Variants in C10orf67 observed in about 807,000 individuals in gnomAD.
C10orf67 encodes the protein uncharacterized protein C10orf67, mitochondrial.
C10orf67 carries 60 observed loss-of-function variants against 35.6 expected under a neutral mutation model. That is an observed-to-expected ratio of 1.68 (90% CI 1.37 to 2.09). C10orf67 has a LOEUF of 2.09. C10orf67 is among the 30% of genes most tolerant of loss of function. The pLI, the probability that C10orf67 is intolerant of heterozygous loss-of-function variation, is 0.00. For missense variants in C10orf67, 474 were observed against 330.2 expected (o/e 1.44, Z -3.38); for synonymous variants, 167 against 115.8 (o/e 1.44, Z -2.84).
At chr10:23,325,562 CA>C (rs1845159339) in intron 2 of C10orf67, among the ~76,000 whole-genome samples, 2 of 112,100 alleles carry the variant, frequency 1.8e-5, no homozygotes, top group African/African-American at 6.6e-5. Flanking sequence ...AACAAAAAAA[CA>C]AAACCAATAA....
intron 1 of C10orf67, 31 bp downstream of exon 1, chr10:23,344,538 C>T: frequency 6.4e-7 from 1 of 1,553,074 alleles, no homozygotes; most frequent in African/African-American, 1.4e-5. Context: ...TGCTCGCTTC[C>T]TCCTCTACCC....
intron 15 of C10orf67, among the ~76,000 whole-genome samples, chr10:23,204,886 G>A (rs1005737457): frequency 4.6e-5 from 7 of 152,182 alleles, no homozygotes; most frequent in African/African-American, 1.7e-4. Context: ...CCACAACATG[G>A]GATGTGATGT....
intron 8 of C10orf67, among the ~76,000 whole-genome samples, chr10:23,271,281 T>TA (rs1359832314): frequency 5.9e-5 from 9 of 152,220 alleles, no homozygotes; most frequent in Non-Finnish European, 1.0e-4. Flanking sequence ...AGCATGCTCT[T>TA]AGAGTCCTAC....
Position 23,322,459 on chromosome 10 carries a change from C to A in C10orf67, c.406G>T (p.Glu136Ter), listed in dbSNP as rs1282620392. 10 of 1,609,604 alleles carry A rather than the reference C, an allele frequency of 6.2e-6. No homozygotes were observed. The highest frequency in any genetic ancestry group is 8.5e-6 in the Non-Finnish European group (10 of 1,175,900). ...AGAATGGTGAAGAGACTCAAAGATT[C>A]CTCTTTCAGTCGGTCCTCAAACTTC... ...QLKFEDRLKE[E>*]SLSLFTILHD... The change falls in exon 3 of 16, where the codon GAA becomes TAA. Residue 136 changes from glutamate (E) to a stop codon, truncating the protein, a stop_gained. Transcript: ENST00000636213. LOFTEE classifies it high-confidence loss of function.
intron 13 of C10orf67, among the ~76,000 whole-genome samples, chr10:23,237,650 G>A (rs1489217840): frequency 6.6e-6 from 1 of 152,208 alleles, no homozygotes; most frequent in African/African-American, 2.4e-5. Context: ...GATCTTAAAA[G>A]TATTGTGCTG....
At chr10:23,247,727 C>T (rs1294442088) in intron 12 of C10orf67, among the ~76,000 whole-genome samples, 1 of 152,020 alleles carries the variant, frequency 6.6e-6, no homozygotes, top group East Asian at 1.9e-4. Flanking sequence ...TGGAATAGCC[C>T]AATTTTTATG....
intron 4 of C10orf67, among the ~76,000 whole-genome samples, chr10:23,319,956 C>A (rs1157940155): frequency 6.6e-6 from 1 of 152,124 alleles, no homozygotes; most frequent in Non-Finnish European, 1.5e-5. Context: ...TTTGAGTAGG[C>A]GTCACCACTG....
chr10:23,305,160 A>G (rs1844229397), intron 4 of C10orf67, among the ~76,000 whole-genome samples: 1 of 152,214 alleles, frequency 6.6e-6, no homozygotes, highest in Non-Finnish European at 1.5e-5. Context: ...GGCAAACATG[A>G]CACTCTCAAG....
chr10:23,314,700 TC>T (rs1279327187), intron 4 of C10orf67, among the ~76,000 whole-genome samples: 6 of 152,284 alleles, frequency 3.9e-5, no homozygotes, highest in Non-Finnish European at 4.4e-5. Flanking sequence ...CACTTTTTTT[TC>T]AGCTATAGGA....
chr10:23,217,706 G>T (rs950911684), intron 15 of C10orf67, among the ~76,000 whole-genome samples: 2 of 152,248 alleles, frequency 1.3e-5, no homozygotes, highest in African/African-American at 2.4e-5. Flanking sequence ...GCTTCAGAGA[G>T]CTTTAAGCAC....
rs369658140 is a variant in C10orf67, at chr10:23,250,438, T to C, written c.1346+17A>G. 24 of 398,532 alleles carry C rather than the reference T, an allele frequency of 6.0e-5. No homozygotes were observed. In the Middle Eastern group the frequency reaches 3.2e-3, roughly 53 times the overall value. 24.7% of individuals were successfully genotyped at this position (398,532 alleles called of 1,614,324 possible). ...GTCATGTTTTTAGAAATAGAATTTG[T>C]ATATTTCACACCATACCTGTTCCTG... On this transcript the variant is annotated intron_variant, in intron 12 of 15. Coordinates refer to ENST00000636213, the MANE Select transcript of C10orf67 (RefSeq NM_001371909.1).
chr10:23,243,556 G>T (rs1010522977), intron 12 of C10orf67, among the ~76,000 whole-genome samples: 1 of 151,768 alleles, frequency 6.6e-6, no homozygotes, highest in African/African-American at 2.4e-5. Context: ...GCATGGTGGC[G>T]CATGCCTGTA....
chr10:23,295,896 T>C (rs1843866535), intron 5 of C10orf67, among the ~76,000 whole-genome samples: 1 of 152,230 alleles, frequency 6.6e-6, no homozygotes. Context: ...TAGAAGGTGC[T>C]CAATTTTTTC....
rs113709541 is a variant in C10orf67 at position 23,213,169 on chromosome 10, G to A, written c.1571-8914C>T. On this transcript the variant is annotated intron_variant, in intron 15 of 15. Transcript: ENST00000636213. ...GCATAGCTAAAGAGAGAATTTGAAT[G>A]TTGGAAGGTACTATTGAAGAATTCA... 6.5e-3 allele frequency among the ~76,000 whole-genome samples: 996 copies of A among 152,278 alleles called. 16 individuals carry two copies. The highest frequency in any genetic ancestry group is 0.023 in the African/African-American group (954 of 41,558).
At chr10:23,318,627 G>T in intron 4 of C10orf67, 1 of 388,066 alleles carries the variant, frequency 2.6e-6, no homozygotes. Context: ...GCAGGTAAGT[G>T]GGAGACAGTG....
rs773265504 is a variant in C10orf67 at position 23,245,111 on chromosome 10, G to T, written c.1347-5295C>A. 3.3e-5 allele frequency among the ~76,000 whole-genome samples: 5 copies of T among 152,216 alleles called. No individual in the cohort carries two copies. The South Asian group carries it at 1.0e-3, about 32-fold the overall frequency. On this transcript the variant is annotated intron_variant, in intron 12 of 15. Coordinates refer to ENST00000636213, the MANE Select transcript of C10orf67 (RefSeq NM_001371909.1). Reference sequence around the variant, plus strand: ...TGACAAGAATATACAATGGGGGAAAGGATAGTCTCTTCAATAAATGATGTT... The same window carrying T: ...TGACAAGAATATACAATGGGGGAAATGATAGTCTCTTCAATAAATGATGTT...
At chr10:23,228,222 G>A (rs1841799033) in intron 13 of C10orf67, among the ~76,000 whole-genome samples, 1 of 152,132 alleles carries the variant, frequency 6.6e-6, no homozygotes, top group Non-Finnish European at 1.5e-5. Context: ...AAAAAGCATG[G>A]TACTGGTACC....
At chr10:23,245,023 G>C (rs1842283444) in intron 12 of C10orf67, among the ~76,000 whole-genome samples, 1 of 152,142 alleles carries the variant, frequency 6.6e-6, no homozygotes, top group African/African-American at 2.4e-5. Context: ...TAGACCAATG[G>C]AACAGATTAG....
intron 10 of C10orf67, among the ~76,000 whole-genome samples, chr10:23,263,192 G>C (rs1055403627): frequency 6.6e-5 from 10 of 151,998 alleles, no homozygotes; most frequent in African/African-American, 2.4e-4. Flanking sequence ...CAAGCCAAGG[G>C]AAAAAAGAAT....
Sources: gnomAD v4.1 joint callset for allele counts (sites outside exome capture counted in the v4.1 genomes callset) on GRCh38, gnomAD v4.1.1 for gene constraint, MANE v1.5 for transcripts, NCBI Gene and HGNC (gene_info 2026-07-23, HGNC 2026-07-21) for gene names.